The following ZNF385B variants were observed in gnomAD, a reference collection of about 807,000 sequenced individuals.
The protein encoded by ZNF385B is zinc finger protein 385B.
Under a neutral mutation model 39.2 loss-of-function variants are expected in ZNF385B, and 23 were observed. The observed-to-expected ratio is 0.59, with a 90% CI of 0.42 to 0.83. The LOEUF (loss-of-function observed/expected upper bound fraction) is 0.83. Ranked by LOEUF, ZNF385B falls within the 40% of genes least tolerant of loss-of-function variation. ZNF385B has a pLI of 0.00. For missense variants in ZNF385B, 552 were observed against 598.9 expected, an observed-to-expected ratio of 0.92 and a Z score of 0.82; for synonymous variants, 205 against 222.6, an observed-to-expected ratio of 0.92 and a Z score of 0.70.
intron 6 of ZNF385B, among the ~76,000 whole-genome samples, chr2:179,465,402 C>T (rs1483285843): frequency 6.6e-6 from 1 of 152,164 alleles, no homozygotes; most frequent in East Asian, 1.9e-4. Context: ...AGACCCTTTT[C>T]CACCAATACT....
chr2:179,515,873 T>C (rs775686499), intron 5 of ZNF385B, among the ~76,000 whole-genome samples: 1 of 152,136 alleles, frequency 6.6e-6, no homozygotes, highest in Admixed American at 6.6e-5. Context: ...AATAAAGTTA[T>C]AAAATATTTT....
At chr2:179,715,934 T>C (rs1188901784) in intron 3 of ZNF385B, among the ~76,000 whole-genome samples, 1 of 152,178 alleles carries the variant, frequency 6.6e-6, no homozygotes, top group Non-Finnish European at 1.5e-5. Flanking sequence ...CCCATTTAAA[T>C]AATTTATGCC....
intron 4 of ZNF385B, among the ~76,000 whole-genome samples, chr2:179,524,060 A>C (rs1345662504): frequency 6.6e-6 from 1 of 152,114 alleles, no homozygotes; most frequent in African/African-American, 2.4e-5. Context: ...AGCCTTTCAA[A>C]GTGCTGGGAT....
At chr2:179,742,758 A>C (rs562456202) in intron 3 of ZNF385B, among the ~76,000 whole-genome samples, 27 of 152,094 alleles carry the variant, frequency 1.8e-4, no homozygotes, top group Admixed American at 3.3e-4. Flanking sequence ...CAATCAGGAA[A>C]GCCAAATTTG....
chr2:179,708,963 G>A (rs1699810368), intron 3 of ZNF385B, among the ~76,000 whole-genome samples: 2 of 152,214 alleles, frequency 1.3e-5, no homozygotes, highest in Non-Finnish European at 1.5e-5. Flanking sequence ...TGCAATGTAT[G>A]CAGCTGTTTC....
chr2:179,505,306 T>TA (rs201761115), intron 5 of ZNF385B, among the ~76,000 whole-genome samples: 81 of 149,586 alleles, frequency 5.4e-4, no homozygotes, highest in Non-Finnish European at 4.9e-4. Flanking sequence ...AAAGCAACTA[T>TA]AAAAAAAAAA....
intron 1 of ZNF385B, among the ~76,000 whole-genome samples, chr2:179,784,536 A>C (rs79118957): frequency 0.11 from 17,308 of 151,962 alleles, 1,633 homozygotes; most frequent in East Asian, 0.49. Context: ...TTAAGAGACA[A>C]CTCCCAGAGT....
At chr2:179,682,868 G>C (rs1414730533) in intron 3 of ZNF385B, among the ~76,000 whole-genome samples, 4 of 152,150 alleles carry the variant, frequency 2.6e-5, no homozygotes, top group African/African-American at 4.8e-5. Flanking sequence ...TGTACTGTAG[G>C]TTAAGGGTTC....
intron 6 of ZNF385B, among the ~76,000 whole-genome samples, chr2:179,450,237 C>A (rs1348487630): frequency 6.6e-6 from 1 of 152,002 alleles, no homozygotes; most frequent in African/African-American, 2.4e-5. Context: ...GCAACAAAAG[C>A]CAAAATTGAC....
intron 4 of ZNF385B, among the ~76,000 whole-genome samples, chr2:179,533,097 T>C (rs1347125628): frequency 1.3e-5 from 2 of 152,170 alleles, no homozygotes; most frequent in Admixed American, 1.3e-4. Flanking sequence ...ATGCATAGCT[T>C]CAAAGAACTC....
At chr2:179,640,266 G>A (rs1238049269) in intron 3 of ZNF385B, among the ~76,000 whole-genome samples, 1 of 152,152 alleles carries the variant, frequency 6.6e-6, no homozygotes, top group Non-Finnish European at 1.5e-5. Context: ...CTATATAGTA[G>A]TACTCTATCA....
chr2:179,789,844 C>A (rs11683897), intron 1 of ZNF385B, among the ~76,000 whole-genome samples: 44,182 of 151,600 alleles, frequency 0.29, 6,674 homozygotes, highest in African/African-American at 0.34. Context: ...GATGGGAGGG[C>A]GGAAATGGAA....
At chr2:179,601,290 G>A (rs1688391428) in intron 3 of ZNF385B, among the ~76,000 whole-genome samples, 2 of 152,144 alleles carry the variant, frequency 1.3e-5, no homozygotes, top group African/African-American at 2.4e-5. Flanking sequence ...AAGCAAGAAT[G>A]AGATTTTGAA....
chr2:179,754,606 A>G (rs1702892230), intron 3 of ZNF385B, among the ~76,000 whole-genome samples: 1 of 152,192 alleles, frequency 6.6e-6, no homozygotes, highest in Non-Finnish European at 1.5e-5. Flanking sequence ...CCTCAATTTC[A>G]GAGCCTGTTA....
intron 3 of ZNF385B, among the ~76,000 whole-genome samples, chr2:179,636,618 A>G (rs933651937): frequency 6.6e-6 from 1 of 152,206 alleles, no homozygotes; most frequent in Non-Finnish European, 1.5e-5. Context: ...AAGAACCCAT[A>G]CAAGTGAGGG....
chr2:179,646,197 C>T (rs1306587517), intron 3 of ZNF385B, among the ~76,000 whole-genome samples: 3 of 152,056 alleles, frequency 2.0e-5, no homozygotes, highest in Non-Finnish European at 2.9e-5. Flanking sequence ...GGCAGATCAC[C>T]TGAGGTCAGT....
Position 179,654,704 on chromosome 2 carries a change from A to C in ZNF385B, c.299-109735T>G, listed in dbSNP as rs75411160. ...GAAATTATTTCACTGGGAGGTTCTC[A>C]AAGGAGCTCTATTTCAAATATCTGC... On this transcript the variant is annotated intron_variant, in intron 3 of 9. Transcript: ENST00000410066. Among the ~76,000 whole-genome samples the C allele has an allele frequency of 1.8e-3, 277 of 152,294 alleles. 3 individuals carry two copies. In the East Asian group the frequency reaches 0.035, roughly 19 times the overall value.
intron 3 of ZNF385B, among the ~76,000 whole-genome samples, chr2:179,685,754 A>G (rs114440558): frequency 0.041 from 6,266 of 152,310 alleles, 179 homozygotes; most frequent in Middle Eastern, 0.058. Flanking sequence ...TAGCCTGTGT[A>G]CCTACAACTT....
intron 5 of ZNF385B, among the ~76,000 whole-genome samples, chr2:179,493,530 T>C (rs1249303300): frequency 1.1e-4 from 17 of 151,222 alleles, no homozygotes; most frequent in African/African-American, 3.9e-4. Context: ...TGTGTGTACA[T>C]ATATGCGTAT....
Sources: allele counts gnomAD v4.1 joint callset (sites outside exome capture counted in the v4.1 genomes callset), GRCh38; gene constraint gnomAD v4.1.1; transcripts MANE v1.5; gene names NCBI Gene and HGNC (gene_info 2026-07-23, HGNC 2026-07-21).